The following CCSER1 variants were observed in gnomAD, a reference collection of about 807,000 sequenced individuals.
CCSER1 encodes coiled-coil serine rich protein 1, also known as serine-rich coiled-coil domain-containing protein 1.
Under a neutral mutation model 82.0 loss-of-function variants are expected in CCSER1, and 41 were observed. That is an observed-to-expected ratio of 0.50 (90% CI 0.39 to 0.65). CCSER1 has a LOEUF of 0.65. CCSER1 is among the 30% of genes least tolerant of loss of function. The probability of loss-of-function intolerance (pLI) is 0.00; values close to 1 mark genes in which losing one functional copy is unlikely to be tolerated. For missense variants in CCSER1, 1,119 were observed against 1,064.2 expected, an observed-to-expected ratio of 1.05 and a Z score of -0.72; for synonymous variants, 414 against 383.9, an observed-to-expected ratio of 1.08 and a Z score of -0.92.
At chr4:91,596,818 T>G (rs1382264950) in intron 10 of CCSER1, among the ~76,000 whole-genome samples, 1 of 151,958 alleles carries the variant, frequency 6.6e-6, no homozygotes, top group African/African-American at 2.4e-5. Context: ...CTGCTGTAAG[T>G]AGCTTATCAC....
At chr4:90,602,905 T>G (rs1784202405) in intron 5 of CCSER1, among the ~76,000 whole-genome samples, 1 of 152,180 alleles carries the variant, frequency 6.6e-6, no homozygotes, top group Non-Finnish European at 1.5e-5. Flanking sequence ...AAATCTGTCC[T>G]CTCTCCTAGA....
intron 10 of CCSER1, among the ~76,000 whole-genome samples, chr4:91,203,767 C>A (rs1736122572): frequency 6.6e-6 from 1 of 151,694 alleles, no homozygotes; most frequent in African/African-American, 2.4e-5. Context: ...AATCAAGTGG[C>A]ATATTTGGTG....
chr4:90,270,254 C>A (rs183636341), intron 1 of CCSER1, among the ~76,000 whole-genome samples: 2 of 151,938 alleles, frequency 1.3e-5, no homozygotes, highest in Non-Finnish European at 2.9e-5. Context: ...AACGTTGATT[C>A]GGAAATACTC....
At chr4:90,367,923 A>T (rs919767761) in intron 3 of CCSER1, among the ~76,000 whole-genome samples, 1 of 151,932 alleles carries the variant, frequency 6.6e-6, no homozygotes, top group Non-Finnish European at 1.5e-5. Context: ...AAAATTACTG[A>T]AAAAAAGAAA....
intron 9 of CCSER1, among the ~76,000 whole-genome samples, chr4:91,074,375 G>A (rs761072033): frequency 6.6e-6 from 1 of 152,110 alleles, no homozygotes; most frequent in Non-Finnish European, 1.5e-5. Flanking sequence ...GCCAATAAGG[G>A]CAGCAACATC....
chr4:90,660,941 A>G (rs999054402), intron 6 of CCSER1, among the ~76,000 whole-genome samples: 2 of 135,992 alleles, frequency 1.5e-5, no homozygotes, highest in African/African-American at 2.7e-5. Context: ...ATAAATTTTT[A>G]TAAGACACTT....
intron 10 of CCSER1, among the ~76,000 whole-genome samples, chr4:91,246,714 G>T (rs1162491345): frequency 6.6e-6 from 1 of 151,966 alleles, no homozygotes; most frequent in African/African-American, 2.4e-5. Context: ...CCATGATGCG[G>T]TTATTACATA....
At chr4:91,101,175 C>G (rs1354668665) in intron 10 of CCSER1, among the ~76,000 whole-genome samples, 1 of 152,020 alleles carries the variant, frequency 6.6e-6, no homozygotes, top group Non-Finnish European at 1.5e-5. Context: ...GAAAGCCACA[C>G]AAAATAATAC....
At chr4:91,028,182 G>A (rs751475818) in intron 9 of CCSER1, among the ~76,000 whole-genome samples, 17 of 151,966 alleles carry the variant, frequency 1.1e-4, no homozygotes, top group Non-Finnish European at 1.6e-4. Context: ...ATATAGATAC[G>A]TATTTATGTT....
chr4:90,568,912 C>A (rs188823097), intron 5 of CCSER1, among the ~76,000 whole-genome samples: 1 of 151,890 alleles, frequency 6.6e-6, no homozygotes, highest in African/African-American at 2.4e-5. Context: ...GGATTACAGG[C>A]GCCCACCACC....
chr4:90,241,172 T>C (rs1173674595), intron 1 of CCSER1, among the ~76,000 whole-genome samples: 1 of 152,210 alleles, frequency 6.6e-6, no homozygotes, highest in African/African-American at 2.4e-5. Flanking sequence ...TAGTCAGTCA[T>C]TGTTTTTCTC....
intron 7 of CCSER1, among the ~76,000 whole-genome samples, chr4:90,796,961 T>C (rs901320412): frequency 6.6e-6 from 1 of 152,194 alleles, no homozygotes; most frequent in East Asian, 1.9e-4. Flanking sequence ...ATGTATATTC[T>C]GTTCTTTTGG....
At chr4:91,550,274 G>A (rs1166335596) in intron 10 of CCSER1, among the ~76,000 whole-genome samples, 1 of 152,166 alleles carries the variant, frequency 6.6e-6, no homozygotes, top group Admixed American at 6.5e-5. Flanking sequence ...GCTTTTGCAG[G>A]TAAAACACAA....
intron 8 of CCSER1, among the ~76,000 whole-genome samples, chr4:90,897,670 G>A (rs928062734): frequency 2.0e-5 from 3 of 151,992 alleles, no homozygotes; most frequent in Non-Finnish European, 2.9e-5. Context: ...TTGAAAGGTA[G>A]TTCTATTTTT....
At chr4:90,815,030 T>C (rs1336462653) in intron 7 of CCSER1, among the ~76,000 whole-genome samples, 9 of 152,180 alleles carry the variant, frequency 5.9e-5, no homozygotes, top group Non-Finnish European at 1.2e-4. Flanking sequence ...CAATAAAGAA[T>C]GATCTAAGAC....
chr4:90,396,134 C>A (rs533402610), intron 3 of CCSER1, among the ~76,000 whole-genome samples: 8 of 151,992 alleles, frequency 5.3e-5, no homozygotes, highest in African/African-American at 1.2e-4. Flanking sequence ...ATTATTATTT[C>A]TTTATTATGT....
intron 1 of CCSER1, among the ~76,000 whole-genome samples, chr4:90,135,392 T>TA (rs372910251): frequency 5.9e-5 from 9 of 151,978 alleles, no homozygotes; most frequent in East Asian, 1.9e-4. Flanking sequence ...CCTCATTTTT[T>TA]AAAAAAAAGA....
chr4:90,664,230 A>G (rs192823150), intron 6 of CCSER1, among the ~76,000 whole-genome samples: 31 of 152,304 alleles, frequency 2.0e-4, no homozygotes, highest in Admixed American at 1.2e-3. Context: ...TTATTTACTA[A>G]TACATTGACT....
At chr4:91,414,417 A>G (rs1338537030) in intron 10 of CCSER1, among the ~76,000 whole-genome samples, 1 of 152,154 alleles carries the variant, frequency 6.6e-6, no homozygotes, top group East Asian at 1.9e-4. Context: ...AAGGAAAAAA[A>G]CCTGTAGTAG....
Sources: allele counts gnomAD v4.1 joint callset (sites outside exome capture counted in the v4.1 genomes callset), GRCh38; gene constraint gnomAD v4.1.1; transcripts MANE v1.5; gene names NCBI Gene and HGNC (gene_info 2026-07-23, HGNC 2026-07-21).